Variants in EYS observed in about 807,000 individuals in gnomAD.
EYS encodes the protein EGF-like photoreceptor maintenance factor, also known as protein eyes shut homolog.
Under a neutral mutation model 282.1 loss-of-function variants are expected in EYS, and 250 were observed. That is an observed-to-expected ratio of 0.89 (90% confidence interval 0.80 to 0.98). EYS has a LOEUF of 0.98. Ranked by LOEUF, EYS falls within the 50% of genes least tolerant of loss-of-function variation. The pLI is 0.00. For missense variants in EYS, 4,016 were observed against 3,709.0 expected, an observed-to-expected ratio of 1.08 and a Z score of -2.15; for synonymous variants, 1,355 against 1,282.9, an observed-to-expected ratio of 1.06 and a Z score of -1.20.
At chr6:65,533,023 A>G (rs1435239403) in intron 2 of EYS, among the ~76,000 whole-genome samples, 1 of 152,026 alleles carries the variant, frequency 6.6e-6, no homozygotes, top group South Asian at 2.1e-4. Flanking sequence ...AAAAAGGATA[A>G]ATTTTGTTTT....
chr6:64,421,193 C>T (rs1407848678), intron 28 of EYS, among the ~76,000 whole-genome samples: 3 of 152,136 alleles, frequency 2.0e-5, no homozygotes, highest in African/African-American at 4.8e-5. Context: ...GGGAAGTAAA[C>T]ATGTCCTTCT....
intron 19 of EYS, among the ~76,000 whole-genome samples, chr6:64,837,706 C>G (rs1765430600): frequency 7.1e-6 from 1 of 140,178 alleles, no homozygotes; most frequent in African/African-American, 2.6e-5. Flanking sequence ...TATGTATATC[C>G]TAAAGAGTCC....
chr6:65,083,570 T>C lies in EYS; in HGVS notation c.2024-25843A>G, dbSNP rs561482436. 6.6e-5 allele frequency among the ~76,000 whole-genome samples: 10 copies of C among 152,056 alleles called. No individual in the cohort carries two copies. The South Asian group carries it at 1.9e-3, about 28-fold the overall frequency. On this transcript the variant is annotated intron_variant, in intron 12 of 42. Transcript: ENST00000503581. ...CAGATAAAATAAAATACATAACTGA[T>C]ACCTCGAATATTATTTTGTTTTGAT... is the stretch of plus-strand genomic sequence containing the variant.
intron 11 of EYS, among the ~76,000 whole-genome samples, chr6:65,314,553 C>T (rs996776534): frequency 1.7e-5 from 2 of 117,084 alleles, no homozygotes; most frequent in Non-Finnish European, 3.5e-5. Flanking sequence ...CTTTGGACTT[C>T]CCCTTATGGT....
intron 1 of EYS, among the ~76,000 whole-genome samples, chr6:65,643,880 C>G (rs1767368219): frequency 6.6e-6 from 1 of 152,074 alleles, no homozygotes; most frequent in South Asian, 2.1e-4. Context: ...TACAAGAATA[C>G]CACATCAAGG....
chr6:64,822,346 A>G (rs1764923050), intron 20 of EYS, among the ~76,000 whole-genome samples: 1 of 152,056 alleles, frequency 6.6e-6, no homozygotes, highest in Admixed American at 6.6e-5. Flanking sequence ...AGAATGTCTC[A>G]TCATCTTACC....
chr6:64,815,789 C>G (rs1449423914), intron 21 of EYS, among the ~76,000 whole-genome samples: 1 of 152,012 alleles, frequency 6.6e-6, no homozygotes, highest in Admixed American at 6.6e-5. Context: ...AGCTTGACCC[C>G]AGTGATATAT....
At chr6:63,728,455 A>T (rs1157398607) in intron 41 of EYS, among the ~76,000 whole-genome samples, 1 of 152,152 alleles carries the variant, frequency 6.6e-6, no homozygotes, top group African/African-American at 2.4e-5. Flanking sequence ...TTCACTGCAA[A>T]ACTGAGTGGA....
rs569136577 is a variant in EYS at position 64,608,087 on chromosome 6, A to G, written c.3684+9331T>C. 2.0e-5 allele frequency among the ~76,000 whole-genome samples: 3 copies of G among 152,288 alleles called. No individual in the cohort carries two copies. The South Asian group carries it at 6.2e-4, about 32-fold the overall frequency. On this transcript the variant is annotated intron_variant, in intron 24 of 42. Coordinates refer to ENST00000503581, the MANE Select transcript of EYS (RefSeq NM_001142800.2). ...ATATTATTGTAGAAAACAATGCATT[A>G]TATCTTTAGCAGTGTATGATATTGC...
chr6:65,572,711 C>T (rs971238589), intron 2 of EYS, among the ~76,000 whole-genome samples: 1 of 151,972 alleles, frequency 6.6e-6, no homozygotes, highest in Non-Finnish European at 1.5e-5. Flanking sequence ...GATGTTCATA[C>T]AATAATAGCA....
At chr6:64,101,834 G>T (rs1294287450) in intron 31 of EYS, among the ~76,000 whole-genome samples, 1 of 151,894 alleles carries the variant, frequency 6.6e-6, no homozygotes, top group Non-Finnish European at 1.5e-5. Flanking sequence ...ATCAGTGGGA[G>T]CCCTGAGCTT....
intron 2 of EYS, among the ~76,000 whole-genome samples, chr6:65,576,116 A>C (rs937647286): frequency 2.0e-5 from 3 of 152,022 alleles, no homozygotes; most frequent in Non-Finnish European, 4.4e-5. Flanking sequence ...TTCAGAGAGC[A>C]CACTACAACA....
intron 11 of EYS, chr6:65,330,472 T>A (rs1769754163): frequency 1.0e-6 from 1 of 984,260 alleles, no homozygotes; most frequent in Non-Finnish European, 1.2e-6. Context: ...GCTGGTATGA[T>A]TTAGTCTTTG....
intron 28 of EYS, among the ~76,000 whole-genome samples, chr6:64,422,696 C>A (rs1459949434): frequency 6.6e-6 from 1 of 151,994 alleles, no homozygotes; most frequent in Non-Finnish European, 1.5e-5. Context: ...CCTATTAATA[C>A]ATTTGGTCTT....
In EYS at chr6:64,312,519, T is replaced by C. The variant is rs535790073; in HGVS notation, c.6079-5437A>G. Reference sequence around the variant, plus strand: ...GAGCAGCAAATCTCCCAGCACATCGTTTGAGCTCTGTTAAGGGACAGATTG... The same window carrying C: ...GAGCAGCAAATCTCCCAGCACATCGCTTGAGCTCTGTTAAGGGACAGATTG... On this transcript the variant is annotated intron_variant, in intron 29 of 42. Coordinates refer to ENST00000503581, the MANE Select transcript of EYS (RefSeq NM_001142800.2). Among the ~76,000 whole-genome samples, 88 of 152,308 alleles carry C rather than the reference T, an allele frequency of 5.8e-4. 4 individuals carry two copies. The South Asian group carries it at 0.018, about 31-fold the overall frequency.
chr6:64,976,548 G>A (rs570985753), intron 14 of EYS, among the ~76,000 whole-genome samples: 1 of 151,902 alleles, frequency 6.6e-6, no homozygotes, highest in Non-Finnish European at 1.5e-5. Flanking sequence ...GTAGGAAAGA[G>A]AGGACTCCCC....
At chr6:65,442,009 A>C (rs1768347229) in intron 5 of EYS, among the ~76,000 whole-genome samples, 1 of 152,082 alleles carries the variant, frequency 6.6e-6, no homozygotes, top group African/African-American at 2.4e-5. Context: ...ATTCATTCCC[A>C]AAAATATGAC....
At chr6:65,063,395 A>G (rs565116303) in intron 12 of EYS, among the ~76,000 whole-genome samples, 1 of 152,168 alleles carries the variant, frequency 6.6e-6, no homozygotes, top group African/African-American at 2.4e-5. Flanking sequence ...CTCACTGTAT[A>G]GCACGTTATA....
chr6:65,694,391 AT>A lies in EYS; in HGVS notation c.-448+12743del, dbSNP rs139263235. ...ATCATATTGCCATTTGATTCTTCAT[AT>A]TTTTTTTTTGTCTCTTGAAGTTGTG... On this transcript the variant is annotated intron_variant, in intron 1 of 42. Coordinates refer to ENST00000503581, the MANE Select transcript of EYS (RefSeq NM_001142800.2). Among the ~76,000 whole-genome samples, 60 of 145,396 alleles carry A rather than the reference AT, an allele frequency of 4.1e-4. 2 individuals are homozygous for A. The highest frequency in any genetic ancestry group is 6.9e-4 in the African/African-American group (28 of 40,436).
Sources: allele counts gnomAD v4.1 joint callset (sites outside exome capture counted in the v4.1 genomes callset), GRCh38; gene constraint gnomAD v4.1.1; transcripts MANE v1.5; gene names NCBI Gene and HGNC (gene_info 2026-07-23, HGNC 2026-07-21).